The following RGS8 variants were observed in gnomAD, a reference collection of about 807,000 sequenced individuals.
RGS8 encodes regulator of G-protein signaling 8.
A neutral mutation model predicts 21.7 loss-of-function variants in RGS8; 8 were observed. The ratio of observed to expected loss-of-function variants is 0.37; its 90% CI spans 0.22 to 0.66. RGS8 has a LOEUF of 0.66. RGS8 is among the 30% of genes least tolerant of loss of function. The probability of loss-of-function intolerance (pLI) is 0.59; values close to 1 mark genes in which losing one functional copy is unlikely to be tolerated. For missense variants in RGS8, 157 were observed against 217.9 expected (o/e 0.72, Z 1.76); for synonymous variants, 80 against 83.6 (o/e 0.96, Z 0.24).
At chr1:182,704,643 A>G in the RGS8 span, among the ~76,000 whole-genome samples, 28 of 152,128 alleles carry the variant, frequency 1.8e-4, no homozygotes, top group Admixed American at 3.3e-4. Context: ...TGCCATTTCC[A>G]TGGTGGAAAG....
At chr1:182,722,752 G>A in the RGS8 span, among the ~76,000 whole-genome samples, 1 of 151,984 alleles carries the variant, frequency 6.6e-6, no homozygotes, top group East Asian at 1.9e-4. Context: ...TGAGGCGGGT[G>A]GATCACGAGG....
At chr1:182,728,339 C>G in the RGS8 span, among the ~76,000 whole-genome samples, 1 of 152,108 alleles carries the variant, frequency 6.6e-6, no homozygotes, top group Non-Finnish European at 1.5e-5. Flanking sequence ...CTCCTGATAG[C>G]GTCAGAGTAC....
At chr1:182,714,183 C>A in the RGS8 span, 1 of 152,170 alleles carries the variant, frequency 6.6e-6, no homozygotes, top group Non-Finnish European at 1.5e-5. Flanking sequence ...TTTTTCCTGA[C>A]CCGCATAGTA....
At chr1:182,739,179 T>G in the RGS8 span, among the ~76,000 whole-genome samples, 1 of 152,236 alleles carries the variant, frequency 6.6e-6, no homozygotes, top group Admixed American at 6.5e-5. Flanking sequence ...CAATGAAATA[T>G]GCTGGATACA....
chr1:182,752,257 A>C, the RGS8 span, among the ~76,000 whole-genome samples: 1 of 152,130 alleles, frequency 6.6e-6, no homozygotes, highest in South Asian at 2.1e-4. Context: ...GTTACCTTAC[A>C]TCCTAGCAGC....
chr1:182,731,865 A>C, the RGS8 span, among the ~76,000 whole-genome samples: 1 of 152,218 alleles, frequency 6.6e-6, no homozygotes, highest in African/African-American at 2.4e-5. Context: ...AGTGGCAGCT[A>C]ATCTCTCCAA....
chr1:182,725,847 T>C, the RGS8 span, among the ~76,000 whole-genome samples: 153 of 152,320 alleles, frequency 1.0e-3, 2 homozygotes, highest in African/African-American at 3.5e-3. Context: ...GATATATTAA[T>C]TGGGCCTAAA....
At chr1:182,719,610 C>T in the RGS8 span, among the ~76,000 whole-genome samples, 2 of 151,580 alleles carry the variant, frequency 1.3e-5, no homozygotes, top group Non-Finnish European at 2.9e-5. Context: ...CCTACCTTCC[C>T]GTAAAGATGA....
the RGS8 span, among the ~76,000 whole-genome samples, chr1:182,730,879 A>C: frequency 6.6e-6 from 1 of 152,140 alleles, no homozygotes; most frequent in Admixed American, 6.5e-5. Flanking sequence ...TCAGCTCCAG[A>C]AAACTGTATT....
upstream of RGS8, among the ~76,000 whole-genome samples, chr1:182,673,979 C>A (rs1664275577): frequency 6.6e-6 from 1 of 152,194 alleles, no homozygotes; most frequent in Non-Finnish European, 1.5e-5. Context: ...ATTTACAAAG[C>A]CAACACCTTT....
the RGS8 span, among the ~76,000 whole-genome samples, chr1:182,724,850 G>A: frequency 2.0e-5 from 3 of 152,186 alleles, no homozygotes; most frequent in African/African-American, 2.4e-5. Flanking sequence ...GAGCCACCGC[G>A]CCCGGCCTAG....
the RGS8 span, among the ~76,000 whole-genome samples, chr1:182,743,609 CCTT>C: frequency 6.0e-4 from 92 of 152,342 alleles, no homozygotes; most frequent in African/African-American, 1.7e-3. Context: ...AGCTCTCTGT[CCTT>C]CTTGGTTGAA....
At chr1:182,697,047 A>G in the RGS8 span, among the ~76,000 whole-genome samples, 1 of 152,192 alleles carries the variant, frequency 6.6e-6, no homozygotes, top group East Asian at 1.9e-4. Flanking sequence ...CAGAAGTGCA[A>G]AGACATTTTC....
At chr1:182,741,187 A>AC in the RGS8 span, among the ~76,000 whole-genome samples, 18 of 141,126 alleles carry the variant, frequency 1.3e-4, no homozygotes, top group South Asian at 1.4e-3. Flanking sequence ...TGGGGGGCTG[A>AC]CCCCCCCACC....
the RGS8 span, among the ~76,000 whole-genome samples, chr1:182,738,764 A>G: frequency 6.6e-6 from 1 of 152,262 alleles, no homozygotes; most frequent in Non-Finnish European, 1.5e-5. Context: ...CAAACCAATA[A>G]AGACCTTGAA....
chr1:182,669,491 C>T (rs1346341975), intron 3 of RGS8, 133 bp downstream of exon 4: 4 of 1,318,738 alleles, frequency 3.0e-6, no homozygotes, highest in Non-Finnish European at 4.3e-6. Flanking sequence ...CACAGGAGGC[C>T]TATGGGGACA....
chr1:182,646,444 T>C, exon 7 of RGS8: 1 of 340,172 alleles, frequency 2.9e-6, no homozygotes. Context: ...ATCTGCCCTC[T>C]CAGCAGAGGT....
intron 5 of RGS8, among the ~76,000 whole-genome samples, chr1:182,661,739 A>G (rs1212707704): frequency 2.0e-5 from 3 of 152,158 alleles, no homozygotes; most frequent in African/African-American, 7.2e-5. Flanking sequence ...AAGATCTTCC[A>G]CAAATGAGGA....
At chr1:182,670,385 C>T (rs1407857030) in intron 2 of RGS8, among the ~76,000 whole-genome samples, 4 of 152,210 alleles carry the variant, frequency 2.6e-5, no homozygotes, top group African/African-American at 9.6e-5. Context: ...TGGGGCCTGG[C>T]CTATTCTTGA....
Sources: allele counts gnomAD v4.1 joint callset (sites outside exome capture counted in the v4.1 genomes callset), GRCh38; gene constraint gnomAD v4.1.1; transcripts MANE v1.5; gene names NCBI Gene and HGNC (gene_info 2026-07-23, HGNC 2026-07-21).